GATAD2A: variants seen among roughly 807,000 people sequenced by gnomAD.
GATAD2A encodes transcriptional repressor p66-alpha.
Under a neutral mutation model 68.5 loss-of-function variants are expected in GATAD2A, and 12 were observed. The observed-to-expected ratio is 0.18, with a 90% CI of 0.11 to 0.28. The LOEUF (loss-of-function observed/expected upper bound fraction) is 0.28, where lower values mean the gene tolerates loss of function less well. Ranked by LOEUF, GATAD2A falls within the 10% of genes least tolerant of loss-of-function variation. The probability of loss-of-function intolerance (pLI) is 1.00; values close to 1 mark genes in which losing one functional copy is unlikely to be tolerated. For missense variants in GATAD2A, 755 were observed against 868.5 expected (o/e 0.87, Z 1.64); for synonymous variants, 410 against 375.3 (o/e 1.09, Z -1.07).
chr19:19,450,505 T>C (rs180925221), intron 1 of GATAD2A, among the ~76,000 whole-genome samples: 231 of 152,252 alleles, frequency 1.5e-3, no homozygotes, highest in African/African-American at 5.2e-3. Flanking sequence ...ATTGGATGTG[T>C]GCTGCTCATG....
In GATAD2A at chr19:19,505,651, G is replaced by A; in HGVS notation, c.*177G>A. Reference sequence around the variant, plus strand: ...ATTCTTGGCTGCAAAGTTTCATCAGGGCTAGGGGGCTGGTGCCGCCTCATA... The same window carrying A: ...ATTCTTGGCTGCAAAGTTTCATCAGAGCTAGGGGGCTGGTGCCGCCTCATA... On this transcript the variant is annotated 3_prime_UTR_variant, in exon 12 of 12. Coordinates refer to ENST00000683918, the MANE Select transcript of GATAD2A (RefSeq NM_001384528.1). The A allele has an allele frequency of 1.8e-6, 1 of 558,626 alleles. No homozygotes were observed. 34.6% of individuals were successfully genotyped at this position (558,626 alleles called of 1,614,324 possible). A position where few individuals can be genotyped will look rare whatever the true frequency, so the allele number is the denominator to read the frequency against.
In GATAD2A at chr19:19,465,514, A is replaced by T; in HGVS notation, c.169A>T (p.Thr57Ser). 6.2e-7 allele frequency: 1 copy of T among 1,614,032 alleles called. No individual in the cohort carries two copies. The highest frequency in any genetic ancestry group is 8.5e-7 in the Non-Finnish European group (1 of 1,179,870). ...GACACCTGAGCCGGGAGCAGGTCCA[A>T]CCCAAGGATTGCTGAGGGCAACAGA... Reference protein sequence around the residue: ...RVTPEPGAGPTQGLLRATEAT... With the variant: ...RVTPEPGAGPSQGLLRATEAT... Residue 57 changes from threonine to serine, a missense_variant, in exon 2 of 12, where the codon ACC (threonine) becomes TCC (serine). Transcript: ENST00000683918.
intron 2 of GATAD2A, among the ~76,000 whole-genome samples, chr19:19,477,659 G>A (rs372256677): frequency 6.6e-6 from 1 of 152,202 alleles, no homozygotes; most frequent in Non-Finnish European, 1.5e-5. Flanking sequence ...GGAACATAGA[G>A]TTGGGACTGG....
At chr19:19,465,769 G>A (rs1818069486) in intron 2 of GATAD2A, among the ~76,000 whole-genome samples, 155 bp downstream of exon 2, 2 of 152,256 alleles carry the variant, frequency 1.3e-5, no homozygotes, top group Admixed American at 1.3e-4. Context: ...ACCACTGGCA[G>A]CTGTGCTGTT....
chr19:19,455,544 C>T (rs1207763109), intron 1 of GATAD2A, among the ~76,000 whole-genome samples: 1 of 152,008 alleles, frequency 6.6e-6, no homozygotes, highest in Non-Finnish European at 1.5e-5. Flanking sequence ...AACAATACAA[C>T]ATAAAATAAT....
In GATAD2A at chr19:19,501,985, G is replaced by C. The variant is rs759435473; in HGVS notation, c.1520G>C (p.Arg507Pro). The C allele has an allele frequency of 1.9e-6, 3 of 1,613,828 alleles. No individual in the cohort carries two copies. The highest frequency in any genetic ancestry group is 2.5e-6 in the Non-Finnish European group (3 of 1,179,904). ...PVLKQVIKPR[R>P]KLAFRSGEAR... ...TTTGTGTAGGTCATAAAACCCCGGC[G>C]TAAGTTGGCGTTCCGCTCAGGAGAG... Residue 507 changes from arginine (R) to proline (P), a missense_variant, in exon 10 of 12, where the codon CGT becomes CCT. Transcript: ENST00000683918.
intron 1 of GATAD2A, among the ~76,000 whole-genome samples, chr19:19,455,766 A>T (rs1407290763): frequency 6.6e-6 from 1 of 152,198 alleles, no homozygotes; most frequent in East Asian, 1.9e-4. Flanking sequence ...CTGGAGGGAC[A>T]GCTGTCCTGT....
At chr19:19,411,720 C>T (rs555219797) in intron 1 of GATAD2A, among the ~76,000 whole-genome samples, 3 of 152,176 alleles carry the variant, frequency 2.0e-5, no homozygotes, top group Non-Finnish European at 2.9e-5. Flanking sequence ...TAACAGGATG[C>T]TGTGAGGACA....
At chr19:19,453,208 G>C (rs981190846) in intron 1 of GATAD2A, among the ~76,000 whole-genome samples, 19 of 152,180 alleles carry the variant, frequency 1.2e-4, no homozygotes, top group Non-Finnish European at 5.9e-5. Context: ...TTTTCCTTAG[G>C]GCTTTGGTGT....
chr19:19,394,445 CTTTTTT>C (rs990895981), intron 1 of GATAD2A, among the ~76,000 whole-genome samples: 12 of 132,154 alleles, frequency 9.1e-5, no homozygotes, highest in Non-Finnish European at 1.8e-4. Flanking sequence ...GGGCTTTCCT[CTTTTTT>C]TTTTTTTTTT....
upstream of GATAD2A, among the ~76,000 whole-genome samples, chr19:19,401,478 G>T (rs187816889): frequency 5.3e-3 from 802 of 152,174 alleles, 5 homozygotes; most frequent in Non-Finnish European, 9.1e-3. Context: ...CTCCCAAAGT[G>T]CTGGGATTAC....
chr19:19,412,131 CTCT>C (rs1460393169), intron 1 of GATAD2A, among the ~76,000 whole-genome samples: 2 of 150,396 alleles, frequency 1.3e-5, no homozygotes, highest in Non-Finnish European at 3.0e-5. Context: ...TTTTTTCTCT[CTCT>C]TTTTTTTTAA....
At chr19:19,451,385 A>G (rs2056376059) in intron 1 of GATAD2A, among the ~76,000 whole-genome samples, 1 of 152,140 alleles carries the variant, frequency 6.6e-6, no homozygotes, top group South Asian at 2.1e-4. Flanking sequence ...GTGAATTAGA[A>G]GGGGTGTCCC....
At chr19:19,418,809 C>T (rs2051971166) in intron 1 of GATAD2A, among the ~76,000 whole-genome samples, 1 of 152,088 alleles carries the variant, frequency 6.6e-6, no homozygotes, top group African/African-American at 2.4e-5. Flanking sequence ...CCCGCTGTGA[C>T]ACTGGTTTTG....
At chr19:19,428,417 T>G (rs899134336) in intron 1 of GATAD2A, among the ~76,000 whole-genome samples, 2 of 152,234 alleles carry the variant, frequency 1.3e-5, no homozygotes, top group Non-Finnish European at 2.9e-5. Flanking sequence ...AAAGAAGTAG[T>G]TGCTTCTGTT....
At chr19:19,396,682 CTGTT>C (rs1568692389) in intron 1 of GATAD2A, among the ~76,000 whole-genome samples, 1 of 152,080 alleles carries the variant, frequency 6.6e-6, no homozygotes, top group African/African-American at 2.4e-5. Context: ...TGTGCGCGAC[CTGTT>C]TGTTAGGTTT....
At chr19:19,505,235 TG>T in intron 11 of GATAD2A, 108 bp from the exon 12 acceptor site, 1 of 1,040,726 alleles carries the variant, frequency 9.6e-7, no homozygotes, top group Non-Finnish European at 1.4e-6. Flanking sequence ...CAAGGGCTCC[TG>T]GGTCCTTAGT....
intron 1 of GATAD2A, among the ~76,000 whole-genome samples, chr19:19,416,732 T>C (rs2051686768): frequency 6.6e-6 from 1 of 152,176 alleles, no homozygotes; most frequent in South Asian, 2.1e-4. Context: ...CTTCTGAGTT[T>C]GTAAACTACT....
Position 19,484,063 on chromosome 19 carries a change from G to A in GATAD2A, c.270-8243G>A, listed in dbSNP as rs149820243. ...TGGGGTCCCAGTGAGCAGCCCCCACGTCCAGGTTGCAGTGAATGCTGCCAG... is the reference window on the plus strand; with the variant it reads ...TGGGGTCCCAGTGAGCAGCCCCCACATCCAGGTTGCAGTGAATGCTGCCAG... On this transcript the variant is annotated intron_variant, in intron 2 of 11. Coordinates refer to ENST00000683918, the MANE Select transcript of GATAD2A (RefSeq NM_001384528.1). Among the ~76,000 whole-genome samples the A allele has an allele frequency of 4.7e-3, 719 of 152,086 alleles. 4 individuals carry two copies. Among genetic ancestry groups the A allele is most frequent in the South Asian group, 0.041 (196 of 4,816 alleles).
Sources: allele counts gnomAD v4.1 joint callset (sites outside exome capture counted in the v4.1 genomes callset), GRCh38; gene constraint gnomAD v4.1.1; transcripts MANE v1.5; gene names NCBI Gene and HGNC (gene_info 2026-07-23, HGNC 2026-07-21).